TPO: variants seen among roughly 807,000 people sequenced by gnomAD.
TPO encodes the protein thyroid microsomal antigen.
TPO carries 78 observed loss-of-function variants against 96.9 expected under a neutral mutation model. The ratio of observed to expected loss-of-function variants is 0.81; its 90% CI spans 0.67 to 0.97. TPO has a LOEUF of 0.97. Among genes scored for constraint, TPO ranks in the 50% least tolerant of loss-of-function variants. TPO has a pLI of 0.00. For synonymous variants in TPO, 547 were observed against 538.0 expected, an observed-to-expected ratio of 1.02 and a Z score of -0.23; for missense variants, 1,252 against 1,274.8, an observed-to-expected ratio of 0.98 and a Z score of 0.27.
chr2:1,537,529 C>A (rs76756782), intron 15 of TPO, among the ~76,000 whole-genome samples: 358 of 34,794 alleles, frequency 0.01, 2 homozygotes, highest in Non-Finnish European at 0.012. Context: ...CAACCTCCGC[C>A]TATCCCCCCC....
chr2:1,501,043 A>G (rs1274490306), intron 13 of TPO, among the ~76,000 whole-genome samples: 2 of 152,086 alleles, frequency 1.3e-5, no homozygotes, highest in East Asian at 1.9e-4. Context: ...TGCAAATTTC[A>G]AATAGATAAA....
intron 14 of TPO, among the ~76,000 whole-genome samples, chr2:1,509,682 ACT>A (rs1452925766): frequency 2.2e-5 from 2 of 90,642 alleles, no homozygotes; most frequent in Non-Finnish European, 4.4e-5. Flanking sequence ...GGCAAACCAC[ACT>A]CTCTGGTTTC....
intron 1 of TPO, among the ~76,000 whole-genome samples, chr2:1,400,855 T>G (rs1470776784): frequency 1.3e-5 from 2 of 152,232 alleles, no homozygotes; most frequent in African/African-American, 4.8e-5. Context: ...TAAAATGCCT[T>G]TTTCTTTTTA....
chr2:1,529,085 CTG>C (rs1278065967), intron 15 of TPO, among the ~76,000 whole-genome samples: 1 of 125,872 alleles, frequency 7.9e-6, no homozygotes, highest in South Asian at 2.9e-4. Flanking sequence ...ATCCCCCCAA[CTG>C]TGTTTAACCT....
At chr2:1,531,197 ACACTGTCTGCAACCACCCCAAATCGCCCC>A (rs1173426953) in intron 15 of TPO, among the ~76,000 whole-genome samples, 244 of 20,426 alleles carry the variant, frequency 0.012, 3 homozygotes, top group African/African-American at 0.046. Flanking sequence ...CCAAATCCCC[ACACTGTCTGCAACCACCCCAAATCGCCCC>A]CACTGTGTGC....
At chr2:1,496,306 T>C (rs1672330360) in intron 12 of TPO, 109 bp downstream of exon 12, 1 of 1,091,252 alleles carries the variant, frequency 9.2e-7, no homozygotes, top group Non-Finnish European at 1.3e-6. Context: ...GAAAATAGTG[T>C]CAACGCCCTG....
In TPO at chr2:1,531,705, G is replaced by C. The variant is rs1395423338; in HGVS notation, c.2619-8889G>C. ...AATCCCGCCCACTCTTTGCAACCTC[G>C]CCAAATCCCCCCCACTCTCTGCAAC... is the stretch of plus-strand genomic sequence containing the variant. On this transcript the variant is annotated intron_variant, in intron 15 of 16. Transcript: ENST00000329066. 3.7e-3 allele frequency among the ~76,000 whole-genome samples: 116 copies of C among 31,058 alleles called. 2 individuals are homozygous for C. The highest frequency in any genetic ancestry group is 6.1e-3 in the African/African-American group (52 of 8,560). The allele number at this position is 31,058 out of a possible 152,430, so 20.4% of individuals were successfully genotyped here. A position where few individuals can be genotyped will look rare whatever the true frequency, so the allele number is the denominator to read the frequency against.
rs1474085862 is a variant in TPO at position 1,397,336 on chromosome 2, G to A, written n.180+22934G>A. ...ACAAGAAGCACAAATCTGAAACATA[G>A]GGCATGACATGGGAGTTACTGACTT... is the stretch of plus-strand genomic sequence containing the variant. On this transcript the variant is annotated intron_variant and non_coding_transcript_variant, in intron 1 of 5. Transcript: ENST00000497517. Among the ~76,000 whole-genome samples the A allele has an allele frequency of 3.9e-5, 6 of 152,148 alleles. No homozygotes were observed. In the East Asian group the frequency reaches 5.8e-4, roughly 15 times the overall value.
chr2:1,379,993 C>T (rs758294302), intron 1 of TPO, among the ~76,000 whole-genome samples: 3 of 152,152 alleles, frequency 2.0e-5, no homozygotes, highest in Non-Finnish European at 4.4e-5. Context: ...CTCATTACTA[C>T]ACTGACTCTG....
At chr2:1,394,268 T>C (rs909098218) in intron 1 of TPO, among the ~76,000 whole-genome samples, 1 of 152,220 alleles carries the variant, frequency 6.6e-6, no homozygotes, top group African/African-American at 2.4e-5. Context: ...TCAGCTATTT[T>C]TTCCTGTAAT....
At chr2:1,533,377 CTCCTCAAATCCCCA>C (rs1678798373) in intron 15 of TPO, among the ~76,000 whole-genome samples, 1 of 133,472 alleles carries the variant, frequency 7.5e-6, no homozygotes, top group African/African-American at 2.8e-5. Flanking sequence ...TGTGTGCAAC[CTCCTCAAATCCCCA>C]CACTGTTTGC....
intron 15 of TPO, among the ~76,000 whole-genome samples, chr2:1,524,196 G>A (rs1162330981): frequency 1.6e-5 from 2 of 128,504 alleles, no homozygotes; most frequent in South Asian, 5.1e-4. Context: ...CCCATCCTGT[G>A]TGCAACCTCC....
intron 13 of TPO, chr2:1,503,639 C>T (rs1673096159): frequency 5.8e-6 from 3 of 513,440 alleles, no homozygotes; most frequent in South Asian, 5.5e-5. Context: ...CTGCACTTGG[C>T]CAAATTCCAC....
Position 1,542,620 on chromosome 2 carries a change from A to G in TPO, c.*146A>G. 6.4e-7 allele frequency: 1 copy of G among 1,550,548 alleles called. No homozygotes were observed. On this transcript the variant is annotated 3_prime_UTR_variant, in exon 17 of 17. Coordinates refer to ENST00000329066, the MANE Select transcript of TPO (RefSeq NM_001206744.2). The stretch of plus-strand genomic sequence containing the variant: ...CTAGTACCATGTCGTAGTTACTCTC[A>G]GGCATGGATGAATAAATGTTATAGC...
At chr2:1,405,345 C>T (rs1349635906) in intron 1 of TPO, among the ~76,000 whole-genome samples, 9 of 151,506 alleles carry the variant, frequency 5.9e-5, no homozygotes, top group Non-Finnish European at 1.3e-4. Flanking sequence ...CATTCATCAT[C>T]CATCCACCCA....
intron 15 of TPO, among the ~76,000 whole-genome samples, chr2:1,528,695 T>C (rs528853817): frequency 1.2e-4 from 8 of 65,948 alleles, no homozygotes; most frequent in Middle Eastern, 0.012. Flanking sequence ...CCCCCCTACC[T>C]TGTGCAACCT....
chr2:1,408,686 CATTA>C (rs1054732009), upstream of TPO, among the ~76,000 whole-genome samples: 1 of 152,176 alleles, frequency 6.6e-6, no homozygotes. Flanking sequence ...AAAGTACATT[CATTA>C]ATTAATTAAT....
At chr2:1,534,495 CA>C (rs1679085877) in intron 15 of TPO, among the ~76,000 whole-genome samples, 1 of 104,542 alleles carries the variant, frequency 9.6e-6, no homozygotes, top group Non-Finnish European at 2.0e-5. Context: ...CCAAACCCCC[CA>C]CGCAGTGTGC....
intron 6 of TPO, 81 bp from the exon 7 acceptor site, chr2:1,455,995 G>T: frequency 7.2e-7 from 1 of 1,396,030 alleles, no homozygotes. Flanking sequence ...ACCACACCAG[G>T]AAGTGCATGA....
Sources: allele counts gnomAD v4.1 joint callset (sites outside exome capture counted in the v4.1 genomes callset), GRCh38; gene constraint gnomAD v4.1.1; transcripts MANE v1.5; gene names NCBI Gene and HGNC (gene_info 2026-07-23, HGNC 2026-07-21).